Variants in VEPH1 observed in about 807,000 individuals in gnomAD.
The protein encoded by VEPH1 is ventricular zone-expressed PH domain-containing protein homolog 1.
Under a neutral mutation model 85.2 loss-of-function variants are expected in VEPH1, and 80 were observed. The ratio of observed to expected loss-of-function variants is 0.94; its 90% confidence interval spans 0.78 to 1.13. VEPH1 has a LOEUF of 1.13. Among genes scored for constraint, VEPH1 ranks in the 50% most tolerant of loss-of-function variants. The pLI, the probability that VEPH1 is intolerant of heterozygous loss-of-function variation, is 0.00. For missense variants in VEPH1, 955 were observed against 980.5 expected, an observed-to-expected ratio of 0.97 and a Z score of 0.35; for synonymous variants, 297 against 348.0, an observed-to-expected ratio of 0.85 and a Z score of 1.63.
At chr3:157,292,429 A>C (rs1439896488) in intron 11 of VEPH1, among the ~76,000 whole-genome samples, 7 of 152,078 alleles carry the variant, frequency 4.6e-5, no homozygotes, top group Non-Finnish European at 1.0e-4. Context: ...TGGTGGCTCA[A>C]ACCTGTAATC....
intron 6 of VEPH1, among the ~76,000 whole-genome samples, chr3:157,386,545 A>G (rs1237159218): frequency 6.6e-6 from 1 of 152,144 alleles, no homozygotes; most frequent in Non-Finnish European, 1.5e-5. Flanking sequence ...CCCAGAGGGC[A>G]TTTGGAGAAT....
At position 157,495,264 on chromosome 3, in the gene VEPH1, T is replaced by C. The variant is rs1429706242; in HGVS notation, c.86A>G (p.Glu29Gly). Residue 29 changes from glutamate (E) to glycine (G), a missense_variant, in exon 2 of 14, where the codon GAA (glutamate) becomes GGA (glycine). Glu to Gly is a moderately conservative substitution (Grantham distance 98). Transcript: ENST00000362010. ...CTCCAAAGCTTCTGTAAGGCTGTCT[T>C]CAATCTCAGAGTCATCTAAGGAGAA... is the stretch of plus-strand genomic sequence containing the variant. Reference protein sequence around the residue: ...DLFSLDDSEIEDSLTEALEQI... With the variant: ...DLFSLDDSEIGDSLTEALEQI... The C allele has an allele frequency of 6.2e-7, 1 of 1,614,080 alleles. No individual in the cohort carries two copies.
At chr3:157,455,091 C>T (rs566704212) in intron 4 of VEPH1, among the ~76,000 whole-genome samples, 67 of 152,190 alleles carry the variant, frequency 4.4e-4, no homozygotes, top group African/African-American at 1.5e-3. Flanking sequence ...GATTTATTTT[C>T]CTTTGGGTAT....
At chr3:157,429,701 T>TGCAGTGGCGGGATC (rs1733002224) in intron 4 of VEPH1, among the ~76,000 whole-genome samples, 1 of 152,228 alleles carries the variant, frequency 6.6e-6, no homozygotes, top group African/African-American at 2.4e-5. Flanking sequence ...ATTTGTTTTG[T>TGCAGTGGCGGGATC]TTTCTGTTTA....
rs1046566171 is a variant in VEPH1, at chr3:157,468,506, CG to C, written c.354+1807del. Among the ~76,000 whole-genome samples the C allele has an allele frequency of 5.9e-4, 89 of 152,074 alleles. 1 individual carries two copies. Among genetic ancestry groups the C allele is most frequent in the African/African-American group, 2.0e-3 (85 of 41,474 alleles). ...AGGAGAATCACTTGAACCCGGGAGG[CG>C]GAGGTTGCAGTGAGCCGAGATCACG... On this transcript the variant is annotated intron_variant, in intron 3 of 13. Coordinates refer to ENST00000362010, the MANE Select transcript of VEPH1 (RefSeq NM_001167912.2).
chr3:157,289,124 T>C (rs916996810), intron 11 of VEPH1, among the ~76,000 whole-genome samples: 2 of 152,212 alleles, frequency 1.3e-5, no homozygotes, highest in Non-Finnish European at 2.9e-5. Context: ...TAAGTATCAG[T>C]TTCAAAACTG....
intron 12 of VEPH1, among the ~76,000 whole-genome samples, chr3:157,284,227 C>T (rs895732031): frequency 6.6e-6 from 1 of 152,138 alleles, no homozygotes; most frequent in African/African-American, 2.4e-5. Context: ...TTCATTCATT[C>T]ACTCACTCAA....
chr3:157,268,731 G>T (rs1714095197), intron 12 of VEPH1, among the ~76,000 whole-genome samples: 1 of 152,066 alleles, frequency 6.6e-6, no homozygotes, highest in Non-Finnish European at 1.5e-5. Flanking sequence ...TTCTAGGAAA[G>T]ACTTGACTTT....
At chr3:157,298,289 C>T (rs1161536484) in intron 11 of VEPH1, among the ~76,000 whole-genome samples, 1 of 152,086 alleles carries the variant, frequency 6.6e-6, no homozygotes, top group East Asian at 1.9e-4. Context: ...TGCCCAGTTC[C>T]CAGAGCATGT....
At chr3:157,479,109 G>C (rs1737768673) in intron 2 of VEPH1, among the ~76,000 whole-genome samples, 1 of 152,140 alleles carries the variant, frequency 6.6e-6, no homozygotes, top group African/African-American at 2.4e-5. Flanking sequence ...TTTGCAATTA[G>C]GGTTTTTCTG....
At chr3:157,304,020 T>A (rs1220264895) in intron 11 of VEPH1, among the ~76,000 whole-genome samples, 4 of 82,228 alleles carry the variant, frequency 4.9e-5, no homozygotes, top group East Asian at 5.5e-4. Flanking sequence ...CATCTTATAT[T>A]TTTTATATAT....
At chr3:157,404,036 G>A (rs898871060) in intron 6 of VEPH1, among the ~76,000 whole-genome samples, 1 of 152,152 alleles carries the variant, frequency 6.6e-6, no homozygotes, top group African/African-American at 2.4e-5. Flanking sequence ...GAGACCGACA[G>A]ATCCTGAAAA....
At chr3:157,301,660 T>C (rs1247665279) in intron 11 of VEPH1, among the ~76,000 whole-genome samples, 1 of 152,226 alleles carries the variant, frequency 6.6e-6, no homozygotes, top group Non-Finnish European at 1.5e-5. Flanking sequence ...CTTATCTTGA[T>C]TTGGCTATCC....
intron 5 of VEPH1, among the ~76,000 whole-genome samples, chr3:157,418,353 T>C (rs1216350575): frequency 2.0e-5 from 3 of 152,194 alleles, no homozygotes; most frequent in East Asian, 1.9e-4. Flanking sequence ...TCATTGAAGA[T>C]TGATGGATAT....
chr3:157,392,846 C>T (rs181652664), intron 6 of VEPH1, among the ~76,000 whole-genome samples: 5 of 152,268 alleles, frequency 3.3e-5, no homozygotes, highest in Admixed American at 2.6e-4. Flanking sequence ...CTTTTGATTG[C>T]CTATCACTAA....
At chr3:157,460,442 A>T in intron 3 of VEPH1, 87 bp from the exon 4 acceptor site, 1 of 1,454,194 alleles carries the variant, frequency 6.9e-7, no homozygotes, top group Non-Finnish European at 9.2e-7. Context: ...TATTTATTGG[A>T]TTAAGCTACC....
intron 2 of VEPH1, among the ~76,000 whole-genome samples, chr3:157,492,581 G>T (rs1739315703): frequency 6.6e-6 from 1 of 152,076 alleles, no homozygotes; most frequent in Non-Finnish European, 1.5e-5. Context: ...ATCTTCAAAA[G>T]GTTTAAAGTT....
At chr3:157,292,809 T>TA (rs11332321) in intron 11 of VEPH1, among the ~76,000 whole-genome samples, 125 of 98,574 alleles carry the variant, frequency 1.3e-3, no homozygotes, top group East Asian at 3.6e-3. Context: ...CCCTCTCTAC[T>TA]AAAAAAAAAA....
rs370760914 is a variant in VEPH1, at chr3:157,278,712, T to C, written c.2128+7845A>G. ...GAGAAATGGACAGATTTGAGAGCAA[T>C]TGAGAAAGTAAAATCCTCAATCTTG... On this transcript the variant is annotated intron_variant, in intron 12 of 13. Coordinates refer to ENST00000362010, the MANE Select transcript of VEPH1 (RefSeq NM_001167912.2). 8.5e-5 allele frequency among the ~76,000 whole-genome samples: 13 copies of C among 152,176 alleles called. No individual in the cohort carries two copies. In the East Asian group the frequency reaches 1.4e-3, roughly 16 times the overall value.
Sources: allele counts gnomAD v4.1 joint callset (sites outside exome capture counted in the v4.1 genomes callset), GRCh38; gene constraint gnomAD v4.1.1; transcripts MANE v1.5; gene names NCBI Gene and HGNC (gene_info 2026-07-23, HGNC 2026-07-21).